LDLRAD4: variants seen among roughly 807,000 people sequenced by gnomAD.
The protein encoded by LDLRAD4 is low density lipoprotein receptor class A domain containing 4.
Under a neutral mutation model 17.0 loss-of-function variants are expected in LDLRAD4, and 5 were observed. The observed-to-expected ratio is 0.29, with a 90% CI of 0.15 to 0.62. The LOEUF is 0.62. Ranked by LOEUF, LDLRAD4 falls within the 20% of genes least tolerant of loss-of-function variation. The probability of loss-of-function intolerance (pLI) is 0.84; values close to 1 mark genes in which losing one functional copy is unlikely to be tolerated. For missense variants in LDLRAD4, 340 were observed against 424.7 expected (o/e 0.80, Z 1.75); for synonymous variants, 168 against 171.8 (o/e 0.98, Z 0.17).
chr18:13,490,089 G>C (rs1319669686), intron 3 of LDLRAD4: 2 of 151,860 alleles, frequency 1.3e-5, no homozygotes, highest in African/African-American at 2.4e-5. Flanking sequence ...TCAGAGACTA[G>C]GAGGCTCCTG....
chr18:13,262,632 G>A (rs2043943015), intron 1 of LDLRAD4, among the ~76,000 whole-genome samples: 1 of 82,464 alleles, frequency 1.2e-5, no homozygotes, highest in African/African-American at 7.2e-5. Flanking sequence ...ACTGAGTCCC[G>A]TGCGGCTCCG....
chr18:13,569,592 T>C (rs546818844), intron 3 of LDLRAD4, among the ~76,000 whole-genome samples: 4 of 152,286 alleles, frequency 2.6e-5, no homozygotes, highest in African/African-American at 7.2e-5. Context: ...ACAACTTAAA[T>C]TTCCCTTGGG....
At chr18:13,643,438 TGCGGGGG>T in intron 5 of LDLRAD4, 26 bp downstream of exon 6, 4 of 146,408 alleles carry the variant, frequency 2.7e-5, no homozygotes, top group Non-Finnish European at 4.5e-5. Flanking sequence ...AGGTGATGGC[TGCGGGGG>T]GCGGGGGGGG....
At chr18:13,376,731 C>T (rs1417970049) in intron 1 of LDLRAD4, among the ~76,000 whole-genome samples, 2 of 152,136 alleles carry the variant, frequency 1.3e-5, no homozygotes, top group Non-Finnish European at 2.9e-5. Context: ...CAGGAGGGCA[C>T]GTATCTTTAC....
chr18:13,302,322 C>G (rs2046652218), intron 1 of LDLRAD4, among the ~76,000 whole-genome samples: 1 of 152,164 alleles, frequency 6.6e-6, no homozygotes, highest in South Asian at 2.1e-4. Context: ...CAGAGTTTGC[C>G]AAACCTGGCG....
chr18:13,281,884 G>C (rs150687535), intron 1 of LDLRAD4, among the ~76,000 whole-genome samples: 219 of 152,226 alleles, frequency 1.4e-3, no homozygotes, highest in African/African-American at 5.1e-3. Context: ...TATTAGTCCG[G>C]ATTCATGCTG....
chr18:13,441,066 G>A (rs1302201111), intron 3 of LDLRAD4, among the ~76,000 whole-genome samples: 2 of 152,162 alleles, frequency 1.3e-5, no homozygotes, highest in African/African-American at 2.4e-5. Flanking sequence ...TGGGAGCTCC[G>A]GGGCAGGTGG....
At chr18:13,293,780 T>A (rs916095177) in intron 1 of LDLRAD4, among the ~76,000 whole-genome samples, 30 of 152,240 alleles carry the variant, frequency 2.0e-4, no homozygotes, top group Admixed American at 6.5e-5. Flanking sequence ...TTAGTCATTG[T>A]CACTTCCACT....
chr18:13,427,807 CTAA>C (rs2090057798), intron 2 of LDLRAD4, among the ~76,000 whole-genome samples: 1 of 152,202 alleles, frequency 6.6e-6, no homozygotes, highest in South Asian at 2.1e-4. Flanking sequence ...TCACAATTTG[CTAA>C]TAATATATTA....
intron 3 of LDLRAD4, chr18:13,611,841 CCT>C: frequency 1.0e-6 from 1 of 985,528 alleles, no homozygotes; most frequent in Non-Finnish European, 1.2e-6. Flanking sequence ...GGACCTCACG[CCT>C]TGCCAGTACA....
At chr18:13,536,483 A>C (rs1402377796) in intron 3 of LDLRAD4, among the ~76,000 whole-genome samples, 1 of 152,192 alleles carries the variant, frequency 6.6e-6, no homozygotes, top group African/African-American at 2.4e-5. Flanking sequence ...TGACTTTGCT[A>C]AACTCCTTTA....
rs1293683 is a variant in LDLRAD4, at chr18:13,591,166, C to G, written c.182-29951C>G. Among the ~76,000 whole-genome samples the G allele has an allele frequency of 2.3e-3, 343 of 151,976 alleles. 1 individual carries two copies. The highest frequency in any genetic ancestry group is 7.9e-3 in the African/African-American group (326 of 41,430). Reference sequence around the variant, plus strand: ...CTTGCTGTAGAATTCTGTGTCTTCTCTCTCTTAAAATAAAGCCATATAAAT... The same window carrying G: ...CTTGCTGTAGAATTCTGTGTCTTCTGTCTCTTAAAATAAAGCCATATAAAT... On this transcript the variant is annotated intron_variant, in intron 3 of 5. Transcript: ENST00000359446.
At chr18:13,350,601 G>T (rs1180478524) in intron 1 of LDLRAD4, among the ~76,000 whole-genome samples, 1 of 152,124 alleles carries the variant, frequency 6.6e-6, no homozygotes, top group African/African-American at 2.4e-5. Context: ...TCTGATGATA[G>T]TTTCTTTTGC....
chr18:13,238,366 A>G (rs2042440281), intron 1 of LDLRAD4, among the ~76,000 whole-genome samples: 1 of 152,172 alleles, frequency 6.6e-6, no homozygotes, highest in Non-Finnish European at 1.5e-5. Flanking sequence ...TTTTTGCTCA[A>G]CTGGAAGGAT....
At chr18:13,344,218 C>A (rs1252664396) in intron 1 of LDLRAD4, among the ~76,000 whole-genome samples, 3 of 152,162 alleles carry the variant, frequency 2.0e-5, no homozygotes, top group Non-Finnish European at 4.4e-5. Context: ...GGTTTTAGGT[C>A]TAACATTTAA....
intron 1 of LDLRAD4, among the ~76,000 whole-genome samples, chr18:13,245,377 T>C (rs1382242838): frequency 2.0e-5 from 3 of 152,178 alleles, no homozygotes; most frequent in South Asian, 2.1e-4. Flanking sequence ...TGCCTGAAGT[T>C]TTTGCTGAGT....
At chr18:13,224,112 ATC>A (rs1159239929) in intron 1 of LDLRAD4, among the ~76,000 whole-genome samples, 1 of 151,998 alleles carries the variant, frequency 6.6e-6, no homozygotes, top group Non-Finnish European at 1.5e-5. Context: ...TTTAATCCTA[ATC>A]TCTGCTCTCT....
intron 2 of LDLRAD4, among the ~76,000 whole-genome samples, chr18:13,434,604 A>G (rs1360909837): frequency 1.3e-5 from 2 of 152,186 alleles, no homozygotes; most frequent in Non-Finnish European, 2.9e-5. Context: ...CTTGAGTTTT[A>G]CTTCATGGAG....
intron 3 of LDLRAD4, among the ~76,000 whole-genome samples, chr18:13,462,692 A>C (rs2092472350): frequency 6.6e-6 from 1 of 152,214 alleles, no homozygotes; most frequent in Non-Finnish European, 1.5e-5. Context: ...TCAATGCGGA[A>C]GGTGGGAGTC....
Sources: allele counts gnomAD v4.1 joint callset (sites outside exome capture counted in the v4.1 genomes callset), GRCh38; gene constraint gnomAD v4.1.1; transcripts MANE v1.5; gene names NCBI Gene and HGNC (gene_info 2026-07-23, HGNC 2026-07-21).